Variants in ATRNL1 observed in about 807,000 individuals in gnomAD.
ATRNL1 encodes attractin like 1, also known as attractin-like protein 1.
ATRNL1 carries 95 observed loss-of-function variants against 182.7 expected under a neutral mutation model. That is an observed-to-expected ratio of 0.52 (90% confidence interval 0.44 to 0.62). The LOEUF is 0.62. Among genes scored for constraint, ATRNL1 ranks in the 20% least tolerant of loss-of-function variants. ATRNL1 has a pLI of 0.00. For missense variants in ATRNL1, 1,471 were observed against 1,679.5 expected, an observed-to-expected ratio of 0.88 and a Z score of 2.17; for synonymous variants, 576 against 568.3, an observed-to-expected ratio of 1.01 and a Z score of -0.19.
intron 27 of ATRNL1, among the ~76,000 whole-genome samples, chr10:115,791,668 G>A (rs1190971600): frequency 6.6e-6 from 1 of 151,918 alleles, no homozygotes; most frequent in Non-Finnish European, 1.5e-5. Flanking sequence ...CTCAGCCCAA[G>A]CAACTTGACT....
At chr10:115,681,989 G>C (rs1946060901) in intron 26 of ATRNL1, among the ~76,000 whole-genome samples, 1 of 152,124 alleles carries the variant, frequency 6.6e-6, no homozygotes, top group African/African-American at 2.4e-5. Context: ...GTCAAACAAG[G>C]TGTTAACTTG....
chr10:115,352,606 A>G (rs1856311331), intron 19 of ATRNL1, among the ~76,000 whole-genome samples: 2 of 152,166 alleles, frequency 1.3e-5, no homozygotes, highest in South Asian at 4.2e-4. Context: ...GTCATTATTC[A>G]TTTCTAGTTA....
intron 17 of ATRNL1, among the ~76,000 whole-genome samples, chr10:115,305,946 T>C (rs1853707918): frequency 6.6e-6 from 1 of 152,170 alleles, no homozygotes; most frequent in Admixed American, 6.5e-5. Context: ...TATATTTTTC[T>C]TTATGTAATT....
intron 25 of ATRNL1, among the ~76,000 whole-genome samples, chr10:115,536,517 C>G (rs1554990444): frequency 6.6e-6 from 1 of 152,208 alleles, no homozygotes; most frequent in Non-Finnish European, 1.5e-5. Flanking sequence ...CGTCTGTCAC[C>G]CCTTTCTTTG....
At chr10:115,613,344 T>C (rs2769378) in intron 26 of ATRNL1, among the ~76,000 whole-genome samples, 71,253 of 152,076 alleles carry the variant, frequency 0.47, 18,468 homozygotes, top group East Asian at 0.84. Flanking sequence ...TATTTGCACA[T>C]GTTGAAACAC....
chr10:115,622,938 A>G (rs1555023515), intron 26 of ATRNL1, among the ~76,000 whole-genome samples: 1 of 152,102 alleles, frequency 6.6e-6, no homozygotes, highest in Non-Finnish European at 1.5e-5. Flanking sequence ...AAAAAAAAAT[A>G]GAATTTAAAA....
At chr10:115,130,584 T>C (rs1845186000) in intron 5 of ATRNL1, among the ~76,000 whole-genome samples, 1 of 152,114 alleles carries the variant, frequency 6.6e-6, no homozygotes. Flanking sequence ...TAAATCGAAT[T>C]TGGTTACCAA....
chr10:115,939,067 G>T lies in ATRNL1; in HGVS notation c.4019-5591G>T, dbSNP rs187952061. Among the ~76,000 whole-genome samples the T allele has an allele frequency of 2.3e-4, 35 of 152,354 alleles. 1 individual carries two copies. In the East Asian group the frequency reaches 5.6e-3, roughly 24 times the overall value. Reference sequence around the variant, plus strand: ...AGGTGATGGATATGTTAATTAGCTTGATTGACTCTTTCCACAATGTATACA... The same window carrying T: ...AGGTGATGGATATGTTAATTAGCTTTATTGACTCTTTCCACAATGTATACA... On this transcript the variant is annotated intron_variant, in intron 28 of 28. Coordinates refer to ENST00000355044, the MANE Select transcript of ATRNL1 (RefSeq NM_207303.4).
At chr10:115,800,975 C>T (rs1949778558) in intron 27 of ATRNL1, among the ~76,000 whole-genome samples, 1 of 152,202 alleles carries the variant, frequency 6.6e-6, no homozygotes, top group African/African-American at 2.4e-5. Context: ...AAGGAAAATA[C>T]AGGTCTTCTT....
At chr10:115,920,957 G>A (rs1393339481) in intron 28 of ATRNL1, among the ~76,000 whole-genome samples, 1 of 152,144 alleles carries the variant, frequency 6.6e-6, no homozygotes, top group East Asian at 1.9e-4. Context: ...AAAATGAGAA[G>A]TTAGAAATAG....
chr10:115,343,560 G>A (rs911281818), intron 19 of ATRNL1, among the ~76,000 whole-genome samples: 4 of 151,836 alleles, frequency 2.6e-5, no homozygotes, highest in South Asian at 2.1e-4. Flanking sequence ...TTTGAGTTTC[G>A]TGAACACAGG....
At chr10:115,684,327 T>C (rs1555045677) in intron 26 of ATRNL1, among the ~76,000 whole-genome samples, 1 of 151,474 alleles carries the variant, frequency 6.6e-6, no homozygotes. Context: ...AACTTGAATA[T>C]GAAGTATAGC....
At chr10:115,382,820 T>C (rs1592566550) in intron 19 of ATRNL1, among the ~76,000 whole-genome samples, 1 of 151,966 alleles carries the variant, frequency 6.6e-6, no homozygotes, top group African/African-American at 2.4e-5. Context: ...TTCTGTTTTT[T>C]ACTGTTAAAC....
chr10:115,225,929 G>A (rs376111299), intron 9 of ATRNL1, among the ~76,000 whole-genome samples: 19 of 150,534 alleles, frequency 1.3e-4, no homozygotes, highest in African/African-American at 3.2e-4. Context: ...TAGAGTCTCC[G>A]TGTCAATTTC....
chr10:115,333,456 A>C (rs1219707198), intron 18 of ATRNL1, among the ~76,000 whole-genome samples: 1 of 151,736 alleles, frequency 6.6e-6, no homozygotes, highest in Non-Finnish European at 1.5e-5. Context: ...TAAAGAAGAT[A>C]CATATTTATG....
At chr10:115,320,991 A>C (rs1854554648) in intron 18 of ATRNL1, among the ~76,000 whole-genome samples, 1 of 151,486 alleles carries the variant, frequency 6.6e-6, no homozygotes, top group Non-Finnish European at 1.5e-5. Flanking sequence ...GTTGTTGTTG[A>C]TTCTTTCTCA....
rs571006678 is a variant in ATRNL1, at chr10:115,737,610, A to G, written c.3903+10255A>G. 8.5e-5 allele frequency among the ~76,000 whole-genome samples: 13 copies of G among 152,158 alleles called. No individual in the cohort carries two copies. In the South Asian group the frequency reaches 2.3e-3, roughly 27 times the overall value. On this transcript the variant is annotated intron_variant, in intron 27 of 28. Coordinates refer to ENST00000355044, the MANE Select transcript of ATRNL1 (RefSeq NM_207303.4). ...TGGCTCGATATTTTCATTGTCACCAATTTAAGACTCAGGCTTTGGCAAGTT... is the reference window on the plus strand; with the variant it reads ...TGGCTCGATATTTTCATTGTCACCAGTTTAAGACTCAGGCTTTGGCAAGTT...
intron 26 of ATRNL1, among the ~76,000 whole-genome samples, chr10:115,668,901 G>T (rs781923787): frequency 2.0e-4 from 30 of 152,044 alleles, no homozygotes; most frequent in Middle Eastern, 6.8e-3. Context: ...CAGGATCGAG[G>T]ATTTTAAAAA....
chr10:115,512,331 A>G (rs11197254), intron 24 of ATRNL1, among the ~76,000 whole-genome samples: 61,383 of 151,604 alleles, frequency 0.4, 13,407 homozygotes, highest in Middle Eastern at 0.53. Context: ...AGATGGTATC[A>G]TTTTTAATAC....
Sources: gnomAD v4.1 joint callset for allele counts (sites outside exome capture counted in the v4.1 genomes callset) on GRCh38, gnomAD v4.1.1 for gene constraint, MANE v1.5 for transcripts, NCBI Gene and HGNC (gene_info 2026-07-23, HGNC 2026-07-21) for gene names.